CACNB2: variants seen among roughly 807,000 people sequenced by gnomAD.
CACNB2 encodes the protein calcium voltage-gated channel auxiliary subunit beta 2.
In CACNB2, 42 loss-of-function variants were observed where a neutral mutation model predicts 73.3. The observed-to-expected ratio is 0.57, with a 90% CI of 0.45 to 0.74. The LOEUF (loss-of-function observed/expected upper bound fraction) is 0.74. Ranked by LOEUF, CACNB2 falls within the 30% of genes least tolerant of loss-of-function variation. CACNB2 has a pLI of 0.00. For synonymous variants in CACNB2, 348 were observed against 310.3 expected, an observed-to-expected ratio of 1.12 and a Z score of -1.28; for missense variants, 940 against 853.0, an observed-to-expected ratio of 1.10 and a Z score of -1.27.
At chr10:18,186,696 C>T (rs2131245002) in intron 2 of CACNB2, among the ~76,000 whole-genome samples, 1 of 152,232 alleles carries the variant, frequency 6.6e-6, no homozygotes, top group East Asian at 1.9e-4. Flanking sequence ...ATCATGAGGA[C>T]AATACCAAGA....
At chr10:18,471,484 C>T (rs1314672402) in intron 3 of CACNB2, among the ~76,000 whole-genome samples, 2 of 152,152 alleles carry the variant, frequency 1.3e-5, no homozygotes, top group Non-Finnish European at 2.9e-5. Flanking sequence ...TTGTCAGTAT[C>T]ATTTTCTGCA....
chr10:18,475,625 C>G (rs1048107504), intron 3 of CACNB2, among the ~76,000 whole-genome samples: 1 of 152,158 alleles, frequency 6.6e-6, no homozygotes, highest in African/African-American at 2.4e-5. Context: ...TGATCCTCCC[C>G]CTGACCTTAC....
intron 2 of CACNB2, among the ~76,000 whole-genome samples, chr10:18,307,015 C>T (rs902240059): frequency 4.0e-5 from 6 of 151,888 alleles, no homozygotes; most frequent in Admixed American, 3.9e-4. Context: ...GTGAAAGTTC[C>T]TCTAGAAGAG....
chr10:18,524,539 C>T (rs556316033), intron 9 of CACNB2, among the ~76,000 whole-genome samples: 7 of 151,678 alleles, frequency 4.6e-5, no homozygotes, highest in African/African-American at 1.2e-4. Flanking sequence ...CCTGTAATCC[C>T]AGCTACTCAG....
intron 3 of CACNB2, among the ~76,000 whole-genome samples, chr10:18,462,045 G>A (rs2047609100): frequency 1.3e-5 from 2 of 152,096 alleles, no homozygotes; most frequent in South Asian, 4.1e-4. Flanking sequence ...CCGTTCTAGA[G>A]AATCGGTACT....
chr10:18,283,726 A>T (rs944331561), intron 2 of CACNB2, among the ~76,000 whole-genome samples: 1 of 151,892 alleles, frequency 6.6e-6, no homozygotes, highest in Non-Finnish European at 1.5e-5. Flanking sequence ...GTAAATGACG[A>T]GTTAATGGGT....
chr10:18,269,788 C>CTTA (rs1416653670), intron 2 of CACNB2, among the ~76,000 whole-genome samples: 1 of 152,202 alleles, frequency 6.6e-6, no homozygotes, highest in East Asian at 1.9e-4. Context: ...CCCACCACTA[C>CTTA]TTATATCTAC....
chr10:18,444,048 T>A (rs2046612318), intron 3 of CACNB2, among the ~76,000 whole-genome samples: 2 of 152,112 alleles, frequency 1.3e-5, no homozygotes, highest in South Asian at 4.1e-4. Flanking sequence ...TGAAAAAGGA[T>A]CCCTTTTCAT....
At chr10:18,536,243 C>CTTTTCTTTTTTTTTTTTTTTTTTTTTT (rs1327787339) in intron 12 of CACNB2, 47 bp downstream of exon 12, 9 of 283,220 alleles carry the variant, frequency 3.2e-5, no homozygotes, top group Admixed American at 7.2e-5. Flanking sequence ...GAGATCAGAC[C>CTTTTCTTTTTTTTTTTTTTTTTTTTTT]TTTTTTTTTT....
At chr10:18,359,911 A>T (rs1180521440) in intron 2 of CACNB2, among the ~76,000 whole-genome samples, 4 of 152,188 alleles carry the variant, frequency 2.6e-5, no homozygotes, top group African/African-American at 9.7e-5. Context: ...GGTACTAAAG[A>T]GTCCTGGGTT....
intron 3 of CACNB2, among the ~76,000 whole-genome samples, chr10:18,466,550 G>T (rs570975287): frequency 6.6e-6 from 1 of 152,030 alleles, no homozygotes; most frequent in Admixed American, 6.6e-5. Context: ...GTTAATTTTT[G>T]AATTATATGA....
At chr10:18,292,646 A>C (rs2039114271) in intron 2 of CACNB2, among the ~76,000 whole-genome samples, 1 of 152,078 alleles carries the variant, frequency 6.6e-6, no homozygotes, top group Non-Finnish European at 1.5e-5. Flanking sequence ...ACAGAGTGAG[A>C]CTCCATCTCA....
chr10:18,427,686 T>C (rs2132788564), intron 3 of CACNB2, among the ~76,000 whole-genome samples: 1 of 152,292 alleles, frequency 6.6e-6, no homozygotes, highest in South Asian at 2.1e-4. Flanking sequence ...TTTCACTCTC[T>C]TCTCATGCCA....
intron 3 of CACNB2, among the ~76,000 whole-genome samples, chr10:18,421,369 C>T (rs1474802688): frequency 6.6e-6 from 1 of 151,664 alleles, no homozygotes. Context: ...GCAATCTTGG[C>T]CCCCTGCAAC....
intron 6 of CACNB2, among the ~76,000 whole-genome samples, chr10:18,512,964 G>A (rs2050907835): frequency 6.6e-6 from 1 of 152,108 alleles, no homozygotes; most frequent in Non-Finnish European, 1.5e-5. Context: ...GTTGACCGAC[G>A]CCGGCTGCAG....
At chr10:18,247,817 C>A (rs373430665) in intron 2 of CACNB2, among the ~76,000 whole-genome samples, 1 of 152,154 alleles carries the variant, frequency 6.6e-6, no homozygotes, top group South Asian at 2.1e-4. Context: ...TGAGGACCAC[C>A]TTTTCTGGGG....
At chr10:18,465,478 C>A (rs1159030279) in intron 3 of CACNB2, among the ~76,000 whole-genome samples, 1 of 152,138 alleles carries the variant, frequency 6.6e-6, no homozygotes, top group African/African-American at 2.4e-5. Context: ...TGTAATCCTG[C>A]TTCTTGCCGC....
intron 9 of CACNB2, among the ~76,000 whole-genome samples, chr10:18,521,193 A>G (rs1298314492): frequency 6.6e-6 from 1 of 152,248 alleles, no homozygotes; most frequent in Non-Finnish European, 1.5e-5. Context: ...GCATATAAGT[A>G]AAAGGGCAAC....
At chr10:18,530,341 C>T (rs962828701) in intron 10 of CACNB2, among the ~76,000 whole-genome samples, 12 of 152,170 alleles carry the variant, frequency 7.9e-5, no homozygotes, top group African/African-American at 2.9e-4. Context: ...TCCTCTTTCT[C>T]ATAGTGTTTG....
Sources: allele counts gnomAD v4.1 joint callset (sites outside exome capture counted in the v4.1 genomes callset), GRCh38; gene constraint gnomAD v4.1.1; transcripts MANE v1.5; gene names NCBI Gene and HGNC (gene_info 2026-07-23, HGNC 2026-07-21).